RYR2: variants seen among roughly 807,000 people sequenced by gnomAD.
The protein encoded by RYR2 is cardiac muscle ryanodine receptor-calcium release channel.
Under a neutral mutation model 601.1 loss-of-function variants are expected in RYR2, and 227 were observed. The ratio of observed to expected loss-of-function variants is 0.38; its 90% CI spans 0.34 to 0.42. The LOEUF is 0.42. Among genes scored for constraint, RYR2 ranks in the 10% least tolerant of loss-of-function variants. RYR2 has a pLI of 1.00. For synonymous variants in RYR2, 2,223 were observed against 2,175.1 expected (o/e 1.02, Z -0.61); for missense variants, 4,646 against 6,156.5 (o/e 0.75, Z 8.21).
chr1:237,535,484 TAC>T (rs58146773), intron 25 of RYR2, among the ~76,000 whole-genome samples: 49,468 of 144,460 alleles, frequency 0.34, 9,013 homozygotes, highest in East Asian at 0.53. Context: ...CAAACACACA[TAC>T]ACACACACAC....
chr1:237,283,124 G>A (rs1388892343), intron 2 of RYR2, among the ~76,000 whole-genome samples: 5 of 152,246 alleles, frequency 3.3e-5, no homozygotes, highest in East Asian at 3.9e-4. Flanking sequence ...ACCCTTGCGC[G>A]TTCTTCACCT....
chr1:237,657,161 T>C (rs1683325508), intron 53 of RYR2, among the ~76,000 whole-genome samples: 1 of 152,198 alleles, frequency 6.6e-6, no homozygotes. Flanking sequence ...TATCAGTGAT[T>C]TCTAGACGAT....
chr1:237,610,627 C>G lies in RYR2; in HGVS notation c.4684-135C>G. The G allele has an allele frequency of 1.4e-6, 1 of 692,708 alleles. No individual in the cohort carries two copies. The highest frequency in any genetic ancestry group is 2.7e-5 in the East Asian group (1 of 36,590). 42.9% of individuals were successfully genotyped at this position (692,708 alleles called of 1,614,324 possible). A position where few individuals can be genotyped will look rare whatever the true frequency, so the allele number is the denominator to read the frequency against. ...CTTTTCAACCCAATTTCTATGATTTCTTGTGTTGACTTTGCTTGACTCATA... is the reference window on the plus strand; with the variant it reads ...CTTTTCAACCCAATTTCTATGATTTGTTGTGTTGACTTTGCTTGACTCATA... On this transcript the variant is annotated intron_variant, in intron 35 of 104. Coordinates refer to ENST00000366574, the MANE Select transcript of RYR2 (RefSeq NM_001035.3). The surrounding 1 kb of genome is among the most constrained non-coding windows in gnomAD (Gnocchi z 4.9).
chr1:237,684,571 G>A (rs888173009), intron 62 of RYR2, among the ~76,000 whole-genome samples: 21 of 152,148 alleles, frequency 1.4e-4, no homozygotes, highest in African/African-American at 5.1e-4. Flanking sequence ...TTGGAACATT[G>A]TTGGTATCAT....
chr1:237,166,125 T>C (rs1268753595), intron 1 of RYR2, among the ~76,000 whole-genome samples: 1 of 152,164 alleles, frequency 6.6e-6, no homozygotes, highest in Admixed American at 6.6e-5. Flanking sequence ...CCACTGGGTG[T>C]TTATCTACGT....
chr1:237,051,688 T>C (rs1661301694), intron 1 of RYR2, among the ~76,000 whole-genome samples: 1 of 152,182 alleles, frequency 6.6e-6, no homozygotes, highest in Non-Finnish European at 1.5e-5. Context: ...AGGTCTGTTC[T>C]AAGCATTGCA....
chr1:237,601,273 C>A (rs1676471347), intron 34 of RYR2, among the ~76,000 whole-genome samples: 1 of 152,128 alleles, frequency 6.6e-6, no homozygotes, highest in South Asian at 2.1e-4. Context: ...GAGAACCTGT[C>A]ATTCGCACCA....
chr1:237,679,844 A>T (rs1356904303), intron 61 of RYR2, among the ~76,000 whole-genome samples: 1 of 152,190 alleles, frequency 6.6e-6, no homozygotes, highest in African/African-American at 2.4e-5. Context: ...AGAGCACGCC[A>T]GACAGAGGGA....
chr1:237,102,897 A>T (rs1668272262), intron 1 of RYR2, among the ~76,000 whole-genome samples: 1 of 152,254 alleles, frequency 6.6e-6, no homozygotes, highest in African/African-American at 2.4e-5. Context: ...TTGTTTTATT[A>T]TAAAATACAC....
intron 1 of RYR2, among the ~76,000 whole-genome samples, chr1:237,177,326 T>C (rs1170638223): frequency 6.6e-6 from 1 of 152,210 alleles, no homozygotes; most frequent in Non-Finnish European, 1.5e-5. Flanking sequence ...TTATGAAAGC[T>C]AGTCATAAAA....
chr1:237,635,482 A>C (rs1425300774), intron 44 of RYR2, among the ~76,000 whole-genome samples: 2 of 152,228 alleles, frequency 1.3e-5, no homozygotes, highest in Non-Finnish European at 2.9e-5. Flanking sequence ...AGCACAAAGC[A>C]TCAGCGATAT....
At chr1:237,672,750 C>G (rs1685065746) in intron 58 of RYR2, among the ~76,000 whole-genome samples, 1 of 152,178 alleles carries the variant, frequency 6.6e-6, no homozygotes, top group Non-Finnish European at 1.5e-5. Flanking sequence ...GTAACATATT[C>G]TATACCCTCT....
intron 71 of RYR2, among the ~76,000 whole-genome samples, chr1:237,714,454 A>G (rs1049115110): frequency 1.3e-5 from 2 of 152,170 alleles, no homozygotes; most frequent in African/African-American, 4.8e-5. Context: ...ATAAGGAGAG[A>G]GGGTGGAGGA....
intron 28 of RYR2, among the ~76,000 whole-genome samples, chr1:237,567,244 AT>A (rs1672178428): frequency 6.6e-6 from 1 of 151,936 alleles, no homozygotes; most frequent in Non-Finnish European, 1.5e-5. Flanking sequence ...TTATTTTGTT[AT>A]TTATATACTA....
intron 25 of RYR2, among the ~76,000 whole-genome samples, chr1:237,540,561 G>A (rs1016525434): frequency 6.6e-6 from 1 of 152,074 alleles, no homozygotes; most frequent in African/African-American, 2.4e-5. Flanking sequence ...ACAAAAATTA[G>A]CCACGCATGG....
At chr1:237,274,910 T>C (rs1690106358) in intron 2 of RYR2, among the ~76,000 whole-genome samples, 1 of 152,126 alleles carries the variant, frequency 6.6e-6, no homozygotes. Flanking sequence ...TAATAGGCTA[T>C]ACCGTACATA....
At chr1:237,807,666 G>T (rs1227543883) in intron 99 of RYR2, among the ~76,000 whole-genome samples, 2 of 151,924 alleles carry the variant, frequency 1.3e-5, no homozygotes, top group African/African-American at 4.8e-5. Context: ...ATTTTCATTT[G>T]CAGAAATATG....
chr1:237,121,473 T>C (rs1670771233), intron 1 of RYR2, among the ~76,000 whole-genome samples: 3 of 152,220 alleles, frequency 2.0e-5, no homozygotes, highest in Non-Finnish European at 4.4e-5. Context: ...AATTTTAAGA[T>C]AATTTCCAAG....
intron 57 of RYR2, 126 bp from the exon 58 acceptor site, chr1:237,667,757 C>A: frequency 4.5e-6 from 3 of 664,398 alleles, no homozygotes; most frequent in Non-Finnish European, 7.5e-6. Flanking sequence ...TGTTTGATAT[C>A]TTTTAAATGT....
Sources: allele counts gnomAD v4.1 joint callset (sites outside exome capture counted in the v4.1 genomes callset), GRCh38; gene constraint gnomAD v4.1.1; non-coding constraint Gnocchi (gnomAD v3.1); transcripts MANE v1.5; gene names NCBI Gene and HGNC (gene_info 2026-07-23, HGNC 2026-07-21).